Variants in CREB5 observed in about 807,000 individuals in gnomAD.
CREB5 encodes the protein cAMP responsive element binding protein 5.
A neutral mutation model predicts 57.1 loss-of-function variants in CREB5; 19 were observed. The observed-to-expected ratio is 0.33, with a 90% confidence interval of 0.23 to 0.49. The LOEUF (loss-of-function observed/expected upper bound fraction) is 0.49. Ranked by LOEUF, CREB5 falls within the 20% of genes least tolerant of loss-of-function variation. CREB5 has a pLI of 0.99. For synonymous variants in CREB5, 238 were observed against 238.3 expected, an observed-to-expected ratio of 1.00 and a Z score of 0.01; for missense variants, 579 against 671.6, an observed-to-expected ratio of 0.86 and a Z score of 1.52.
At chr7:28,792,409 T>A (rs1467100564) in intron 7 of CREB5, among the ~76,000 whole-genome samples, 2 of 152,160 alleles carry the variant, frequency 1.3e-5, no homozygotes, top group Admixed American at 6.5e-5. Context: ...CTCAATATTT[T>A]CTAATACCTG....
At chr7:28,653,710 G>A (rs956106326) in intron 5 of CREB5, among the ~76,000 whole-genome samples, 30 of 152,216 alleles carry the variant, frequency 2.0e-4, no homozygotes, top group African/African-American at 7.2e-4. Context: ...GTGGTACGCT[G>A]GTAAACCAGC....
At chr7:28,497,029 AATTCCCAAT>A (rs1366574607) in intron 3 of CREB5, among the ~76,000 whole-genome samples, 98 of 152,350 alleles carry the variant, frequency 6.4e-4, no homozygotes, top group African/African-American at 2.2e-3. Context: ...TAGATTCTGC[AATTCCCAAT>A]ATTTAAATTC....
chr7:28,418,087 G>A (rs1401924591), intron 1 of CREB5, among the ~76,000 whole-genome samples: 4 of 152,138 alleles, frequency 2.6e-5, no homozygotes, highest in Admixed American at 2.0e-4. Context: ...TGTTTGGGGA[G>A]GGAAATTTTT....
At chr7:28,738,703 C>A (rs1804173289) in intron 7 of CREB5, among the ~76,000 whole-genome samples, 1 of 152,140 alleles carries the variant, frequency 6.6e-6, no homozygotes, top group Non-Finnish European at 1.5e-5. Flanking sequence ...GAAGGCAGGG[C>A]CTGAGCTTGT....
chr7:28,366,468 C>T (rs1448603794), intron 1 of CREB5, among the ~76,000 whole-genome samples: 1 of 152,102 alleles, frequency 6.6e-6, no homozygotes, highest in East Asian at 1.9e-4. Flanking sequence ...AGACAGAGTT[C>T]AGCATTAATC....
At position 28,560,999 on chromosome 7, in the gene CREB5, C is replaced by CGTGTGTGT. The variant is rs1218260685; in HGVS notation, c.292-9361_292-9360insTGTGTGTG. Among the ~76,000 whole-genome samples the CGTGTGTGT allele has an allele frequency of 2.6e-4, 9 of 34,190 alleles. 1 individual carries two copies. The highest frequency in any genetic ancestry group is 9.9e-4 in the African/African-American group (9 of 9,046). The allele number at this position is 34,190 out of a possible 152,430, so 22.4% of individuals were successfully genotyped here. A position where few individuals can be genotyped will look rare whatever the true frequency, so the allele number is the denominator to read the frequency against. ...GTGTGTGCGTGCGTGTGTGTGCCTGCGTGTGCGTGTGTGTGTGCGTGTGTG... is the reference window on the plus strand; with the variant it reads ...GTGTGTGCGTGCGTGTGTGTGCCTGCGTGTGTGTGTGTGCGTGTGTGTGTGCGTGTGTG... On this transcript the variant is annotated intron_variant, in intron 4 of 10. Coordinates refer to ENST00000357727, the MANE Select transcript of CREB5 (RefSeq NM_182898.4).
chr7:28,577,275 T>C (rs751958429), intron 5 of CREB5, among the ~76,000 whole-genome samples: 2 of 152,196 alleles, frequency 1.3e-5, no homozygotes, highest in Non-Finnish European at 2.9e-5. Context: ...CTTTTGGTTG[T>C]TTTCTTCCAG....
At chr7:28,324,858 A>G (rs1785555869) in intron 1 of CREB5, among the ~76,000 whole-genome samples, 1 of 152,188 alleles carries the variant, frequency 6.6e-6, no homozygotes, top group Non-Finnish European at 1.5e-5. Context: ...TTCTTTCACA[A>G]TCATCCTATC....
At chr7:28,630,995 C>T (rs1798180102) in intron 5 of CREB5, among the ~76,000 whole-genome samples, 2 of 152,168 alleles carry the variant, frequency 1.3e-5, no homozygotes, top group Admixed American at 6.5e-5. Flanking sequence ...CAGAATTACA[C>T]AGCAAGTAAG....
chr7:28,633,622 A>T (rs958667834), intron 5 of CREB5, among the ~76,000 whole-genome samples: 1 of 152,160 alleles, frequency 6.6e-6, no homozygotes. Context: ...TGAGTTGTGG[A>T]CTTACCAGCC....
At chr7:28,786,652 A>G (rs941872810) in intron 7 of CREB5, among the ~76,000 whole-genome samples, 5 of 152,062 alleles carry the variant, frequency 3.3e-5, no homozygotes, top group African/African-American at 1.2e-4. Flanking sequence ...CCTCCTCCCG[A>G]CTCTTATTGA....
chr7:28,757,419 T>A (rs1305601971), intron 7 of CREB5, among the ~76,000 whole-genome samples: 1 of 152,156 alleles, frequency 6.6e-6, no homozygotes, highest in East Asian at 1.9e-4. Flanking sequence ...ATGCCTGTAA[T>A]CCCAGCACTT....
chr7:28,656,029 A>G (rs552143923), intron 5 of CREB5, among the ~76,000 whole-genome samples: 6 of 152,380 alleles, frequency 3.9e-5, no homozygotes, highest in African/African-American at 1.4e-4. Context: ...TAAAAAATGT[A>G]GAACGTTGAG....
chr7:28,391,060 A>G (rs1409971537), intron 1 of CREB5, among the ~76,000 whole-genome samples: 1 of 152,158 alleles, frequency 6.6e-6, no homozygotes, highest in Non-Finnish European at 1.5e-5. Context: ...AAATAGAGAA[A>G]ACAATCTATT....
intron 4 of CREB5, among the ~76,000 whole-genome samples, chr7:28,558,583 C>A (rs532175829): frequency 1.1e-4 from 16 of 152,242 alleles, no homozygotes; most frequent in African/African-American, 3.9e-4. Flanking sequence ...ATGCAGGTGC[C>A]CAACCAATGC....
intron 4 of CREB5, among the ~76,000 whole-genome samples, chr7:28,559,810 A>G (rs1795010543): frequency 6.6e-6 from 1 of 152,250 alleles, no homozygotes; most frequent in Admixed American, 6.5e-5. Flanking sequence ...GATAGAAGAG[A>G]AAACAAGAGG....
chr7:28,811,907 A>C (rs1809141240), intron 9 of CREB5, among the ~76,000 whole-genome samples: 2 of 152,222 alleles, frequency 1.3e-5, no homozygotes, highest in Non-Finnish European at 2.9e-5. Flanking sequence ...ATTTGCCACC[A>C]TCTCTGAGGT....
chr7:28,616,882 A>G (rs1181371749), intron 5 of CREB5, among the ~76,000 whole-genome samples: 1 of 152,234 alleles, frequency 6.6e-6, no homozygotes, highest in Non-Finnish European at 1.5e-5. Flanking sequence ...TTATTAATTC[A>G]ATAGTTCATT....
intron 1 of CREB5, among the ~76,000 whole-genome samples, chr7:28,368,595 G>C (rs1014191891): frequency 6.6e-6 from 1 of 152,004 alleles, no homozygotes; most frequent in African/African-American, 2.4e-5. Flanking sequence ...TTCTTGCTGT[G>C]CGCTGAGCCT....
Sources: allele counts gnomAD v4.1 joint callset (sites outside exome capture counted in the v4.1 genomes callset), GRCh38; gene constraint gnomAD v4.1.1; transcripts MANE v1.5; gene names NCBI Gene and HGNC (gene_info 2026-07-23, HGNC 2026-07-21).